The following NRP2 variants were observed in gnomAD, a reference collection of about 807,000 sequenced individuals.
NRP2 encodes neuropilin-2.
Under a neutral mutation model 110.4 loss-of-function variants are expected in NRP2, and 52 were observed. The ratio of observed to expected loss-of-function variants is 0.47; its 90% CI spans 0.38 to 0.59. The LOEUF is 0.59. Among genes scored for constraint, NRP2 ranks in the 20% least tolerant of loss-of-function variants. The pLI, the probability that NRP2 is intolerant of heterozygous loss-of-function variation, is 0.00. For synonymous variants in NRP2, 508 were observed against 468.9 expected (o/e 1.08, Z -1.08); for missense variants, 1,049 against 1,203.0 (o/e 0.87, Z 1.89).
chr2:205,702,787 C>T (rs1459715004), intron 2 of NRP2, among the ~76,000 whole-genome samples: 1 of 152,198 alleles, frequency 6.6e-6, no homozygotes, highest in Non-Finnish European at 1.5e-5. Flanking sequence ...CTGCAAACAA[C>T]CAAGCATAGT....
chr2:205,710,365 G>A (rs2056771909), intron 2 of NRP2, among the ~76,000 whole-genome samples: 1 of 152,170 alleles, frequency 6.6e-6, no homozygotes, highest in Non-Finnish European at 1.5e-5. Context: ...ATCTGCAAAT[G>A]GATGGTAATT....
intron 15 of NRP2, among the ~76,000 whole-genome samples, chr2:205,790,662 TC>T (rs1487456529): frequency 2.0e-5 from 3 of 151,314 alleles, no homozygotes; most frequent in East Asian, 1.9e-4. Flanking sequence ...TTTTTTTTTT[TC>T]ATATGGAAAA....
intron 1 of NRP2, among the ~76,000 whole-genome samples, chr2:205,683,570 G>A (rs981682896): frequency 6.6e-6 from 1 of 151,978 alleles, no homozygotes; most frequent in African/African-American, 2.4e-5. Flanking sequence ...GTGTGTGTGT[G>A]TGTGTGTGTG....
At chr2:205,793,426 G>A (rs893839127) in intron 16 of NRP2, among the ~76,000 whole-genome samples, 6 of 152,136 alleles carry the variant, frequency 3.9e-5, no homozygotes, top group Admixed American at 3.9e-4. Flanking sequence ...GCCCAGATGT[G>A]GGCATGCCTT....
At chr2:205,715,752 C>A (rs1227546626) in intron 2 of NRP2, among the ~76,000 whole-genome samples, 1 of 152,048 alleles carries the variant, frequency 6.6e-6, no homozygotes, top group Non-Finnish European at 1.5e-5. Flanking sequence ...TTCTCCCCAG[C>A]CTTGTGGAGT....
chr2:205,723,986 C>CT, intron 5 of NRP2, 46 bp downstream of exon 5: 1 of 1,609,152 alleles, frequency 6.2e-7, no homozygotes, highest in African/African-American at 1.3e-5. Flanking sequence ...TCCGTCAGGG[C>CT]TGTGAGGGTG....
intron 15 of NRP2, among the ~76,000 whole-genome samples, chr2:205,785,368 T>G (rs2105964925): frequency 6.6e-6 from 1 of 152,104 alleles, no homozygotes; most frequent in South Asian, 2.1e-4. Flanking sequence ...GATACATGAC[T>G]TTTTCCCCTA....
intron 15 of NRP2, among the ~76,000 whole-genome samples, chr2:205,774,662 T>C (rs1559362558): frequency 6.6e-6 from 1 of 152,082 alleles, no homozygotes; most frequent in Non-Finnish European, 1.5e-5. Flanking sequence ...CCAAGAAAAA[T>C]GTTCTCATTT....
At chr2:205,722,160 C>CA in intron 3 of NRP2, 1 of 332,072 alleles carries the variant, frequency 3.0e-6, no homozygotes, top group African/African-American at 2.3e-5. Flanking sequence ...CTCTCTCTCT[C>CA]TCTCTCTCTC....
At chr2:205,693,059 C>T (rs1016998911) in intron 1 of NRP2, among the ~76,000 whole-genome samples, 6 of 152,168 alleles carry the variant, frequency 3.9e-5, no homozygotes, top group African/African-American at 1.4e-4. Flanking sequence ...AAGGTGACAA[C>T]CTCCTTTCTT....
intron 15 of NRP2, among the ~76,000 whole-genome samples, chr2:205,783,403 A>G (rs2058199247): frequency 6.6e-6 from 1 of 152,242 alleles, no homozygotes. Context: ...GCTGTTATTT[A>G]TTTATGTTTT....
intron 2 of NRP2, among the ~76,000 whole-genome samples, chr2:205,703,607 T>C (rs562814158): frequency 6.6e-6 from 1 of 152,318 alleles, no homozygotes; most frequent in South Asian, 2.1e-4. Context: ...ATGGACCTGT[T>C]ACGTGGGCCC....
At chr2:205,750,437 A>G (rs533731362) in intron 11 of NRP2, among the ~76,000 whole-genome samples, 7 of 152,340 alleles carry the variant, frequency 4.6e-5, no homozygotes, top group Admixed American at 2.6e-4. Flanking sequence ...GCGGAAATGT[A>G]AAAAGGCATC....
chr2:205,743,647 G>C, intron 9 of NRP2, 95 bp downstream of exon 9: 1 of 1,523,320 alleles, frequency 6.6e-7, no homozygotes, highest in South Asian at 1.3e-5. Context: ...CATCTAAACA[G>C]TCGTCATCCA....
At chr2:205,767,681 G>A (rs2057949344) in intron 15 of NRP2, 3 of 237,480 alleles carry the variant, frequency 1.3e-5, no homozygotes, top group African/African-American at 2.3e-5. Flanking sequence ...CCTATTAGCG[G>A]ACACTGCTGA....
chr2:205,691,975 G>A (rs895623096), intron 1 of NRP2, among the ~76,000 whole-genome samples: 1 of 152,120 alleles, frequency 6.6e-6, no homozygotes, highest in Non-Finnish European at 1.5e-5. Flanking sequence ...TGTTCAAAAG[G>A]CCCCATTTCC....
chr2:205,761,420 G>A (rs1482190170), intron 12 of NRP2: 1 of 152,216 alleles, frequency 6.6e-6, no homozygotes, highest in African/African-American at 2.4e-5. Context: ...CAGGCAGTGA[G>A]TGATTACCTG....
intron 7 of NRP2, among the ~76,000 whole-genome samples, chr2:205,730,809 C>T (rs549023320): frequency 1.2e-4 from 18 of 152,216 alleles, no homozygotes; most frequent in Non-Finnish European, 2.6e-4. Context: ...ACACTGTTTA[C>T]AATGTGGACC....
At chr2:205,691,523 A>G (rs983938976) in intron 1 of NRP2, among the ~76,000 whole-genome samples, 2 of 152,254 alleles carry the variant, frequency 1.3e-5, no homozygotes, top group Non-Finnish European at 2.9e-5. Flanking sequence ...CCAAATTGCT[A>G]GGCAAAGAGG....
Sources: allele counts gnomAD v4.1 joint callset (sites outside exome capture counted in the v4.1 genomes callset), GRCh38; gene constraint gnomAD v4.1.1; transcripts MANE v1.5; gene names NCBI Gene and HGNC (gene_info 2026-07-23, HGNC 2026-07-21).